Variants in HTRA3 observed in about 807,000 individuals in gnomAD.
HTRA3 encodes serine protease HTRA3.
HTRA3 carries 41 observed loss-of-function variants against 43.2 expected under a neutral mutation model. That is an observed-to-expected ratio of 0.95 (90% CI 0.74 to 1.23). The LOEUF is 1.23. Among genes scored for constraint, HTRA3 ranks in the 50% most tolerant of loss-of-function variants. The probability of loss-of-function intolerance (pLI) is 0.00; values close to 1 mark genes in which losing one functional copy is unlikely to be tolerated. For missense variants in HTRA3, 628 were observed against 647.1 expected, an observed-to-expected ratio of 0.97 and a Z score of 0.32; for synonymous variants, 295 against 287.9, an observed-to-expected ratio of 1.02 and a Z score of -0.25.
At chr4:8,291,153 T>A (rs575578425) in intron 3 of HTRA3, among the ~76,000 whole-genome samples, 3 of 152,334 alleles carry the variant, frequency 2.0e-5, no homozygotes, top group African/African-American at 4.8e-5. Flanking sequence ...CTGGCACAGC[T>A]GAGCCTCTGT....
At chr4:8,274,249 G>T (rs540370324) in intron 1 of HTRA3, among the ~76,000 whole-genome samples, 1 of 152,216 alleles carries the variant, frequency 6.6e-6, no homozygotes, top group Non-Finnish European at 1.5e-5. Flanking sequence ...CCACTGCCCG[G>T]CGTTTCCTTC....
At chr4:8,278,952 C>T (rs1712635489) in intron 1 of HTRA3, among the ~76,000 whole-genome samples, 1 of 152,164 alleles carries the variant, frequency 6.6e-6, no homozygotes, top group Non-Finnish European at 1.5e-5. Context: ...GAAGGGCCCC[C>T]TTGAACTTCT....
intron 5 of HTRA3, 109 bp from the exon 6 acceptor site, chr4:8,293,978 T>C: frequency 1.4e-6 from 1 of 692,986 alleles, no homozygotes; most frequent in Non-Finnish European, 2.5e-6. Context: ...TGTAGGGGGA[T>C]TGACAGCTGG....
At chr4:8,291,101 CATG>C (rs1203926925) in intron 3 of HTRA3, among the ~76,000 whole-genome samples, 1 of 152,214 alleles carries the variant, frequency 6.6e-6, no homozygotes, top group Admixed American at 6.5e-5. Context: ...CTCAGCTGCA[CATG>C]ATGAGCACCC....
At position 8,302,014 on chromosome 4, in the gene HTRA3, C is replaced by A. The variant is rs538506216; in HGVS notation, c.1052-449C>A. ...GCAGTGCCCCAGCCACAGGGCCTGG[C>A]ACATGGTTAGTACTCACTGGACATT... On this transcript the variant is annotated intron_variant, in intron 6 of 8. Transcript: ENST00000307358. Among the ~76,000 whole-genome samples the A allele has an allele frequency of 1.8e-4, 28 of 152,318 alleles. No homozygotes were observed. In the East Asian group the frequency reaches 5.2e-3, roughly 28 times the overall value.
chr4:8,289,098 C>T (rs1578798959), intron 3 of HTRA3, among the ~76,000 whole-genome samples: 3 of 152,004 alleles, frequency 2.0e-5, no homozygotes, highest in Middle Eastern at 3.4e-3. Flanking sequence ...TACAGGCATG[C>T]ACCACCATAC....
rs1713481520 is a variant in HTRA3, at chr4:8,297,051, C to G, written c.1051+2850C>G. On this transcript the variant is annotated intron_variant, in intron 6 of 8. Coordinates refer to ENST00000307358, the MANE Select transcript of HTRA3 (RefSeq NM_053044.5). The surrounding 1 kb of genome is among the most constrained non-coding windows in gnomAD (Gnocchi z 5.8). ...CCCCAGCCTCAGAGGTCACAGGGTC[C>G]CTTGGTCTCAGAAGCCAAAAGGTTC... 6.6e-6 allele frequency among the ~76,000 whole-genome samples: 1 copy of G among 152,004 alleles called. No homozygotes were observed. Among genetic ancestry groups the G allele is most frequent in the Admixed American group, 6.6e-5 (1 of 15,266 alleles).
At chr4:8,272,341 T>G (rs1463459580) in intron 1 of HTRA3, among the ~76,000 whole-genome samples, 1 of 151,866 alleles carries the variant, frequency 6.6e-6, no homozygotes, top group Non-Finnish European at 1.5e-5. Context: ...AGGAGGAAAA[T>G]AGTCTTATCC....
In HTRA3 at chr4:8,295,866, A is replaced by G. The variant is rs1713435378; in HGVS notation, c.1051+1665A>G. ...CCGCCATTGTTCTTCTGTGTCCATT[A>G]TGGGAAGACAATCTGGAGCCAGGCA... is the stretch of plus-strand genomic sequence containing the variant. On this transcript the variant is annotated intron_variant, in intron 6 of 8. Coordinates refer to ENST00000307358, the MANE Select transcript of HTRA3 (RefSeq NM_053044.5). The surrounding 1 kb of genome is among the most constrained non-coding windows in gnomAD (Gnocchi z 6.9). 10 of 1,234,194 alleles carry G rather than the reference A, an allele frequency of 8.1e-6. No homozygotes were observed. Among genetic ancestry groups the G allele is most frequent in the Non-Finnish European group, 1.0e-5 (10 of 988,092 alleles). 76.5% of individuals were successfully genotyped at this position (1,234,194 alleles called of 1,614,324 possible). A position where few individuals can be genotyped will look rare whatever the true frequency, so the allele number is the denominator to read the frequency against.
intron 6 of HTRA3, among the ~76,000 whole-genome samples, chr4:8,299,627 T>A (rs1416607237): frequency 6.6e-6 from 1 of 152,214 alleles, no homozygotes; most frequent in Non-Finnish European, 1.5e-5. Flanking sequence ...AGATATCCTT[T>A]CTCAGGTTGA....
At position 8,295,842 on chromosome 4, in the gene HTRA3, C is replaced by A; in HGVS notation, c.1051+1641C>A. On this transcript the variant is annotated intron_variant, in intron 6 of 8. Transcript: ENST00000307358. This position sits in a 1 kb window ranked among gnomAD's most constrained non-coding sequence, Gnocchi z 6.9. ...CATGAAGAGCTGCTGTTGAGGATGC[C>A]GCCATTGTTCTTCTGTGTCCATTAT... The A allele has an allele frequency of 8.1e-7, 1 of 1,238,004 alleles. No individual in the cohort carries two copies. Among genetic ancestry groups the A allele is most frequent in the East Asian group, 3.2e-5 (1 of 31,722 alleles). The allele number at this position is 1,238,004 out of a possible 1,614,324, so 76.7% of individuals were successfully genotyped here.
rs541747466 is a variant in HTRA3, at chr4:8,272,737, A to G, written c.385+2384A>G. On this transcript the variant is annotated intron_variant, in intron 1 of 8. Coordinates refer to ENST00000307358, the MANE Select transcript of HTRA3 (RefSeq NM_053044.5). ...GCCTGGGGAAGGATGGGGAGGACAG[A>G]GAGGGCATGGGCAAGGCAGAGACCT... Among the ~76,000 whole-genome samples the G allele has an allele frequency of 2.0e-5, 3 of 152,350 alleles. No individual in the cohort carries two copies. In the South Asian group the frequency reaches 6.2e-4, roughly 32 times the overall value.
At chr4:8,294,465 C>A (rs1713365667) in intron 6 of HTRA3, among the ~76,000 whole-genome samples, 1 of 151,820 alleles carries the variant, frequency 6.6e-6, no homozygotes, top group Non-Finnish European at 1.5e-5. Flanking sequence ...CTCCTTTTGG[C>A]TGGGGAATCT....
rs771151712 is a variant in HTRA3, at chr4:8,291,528, C to T, written c.867C>T (p.Ser289=). 1.1e-5 allele frequency: 17 copies of T among 1,609,652 alleles called. No individual in the cohort carries two copies. The highest frequency in any genetic ancestry group is 6.7e-5 in the East Asian group (3 of 44,786). The change falls in exon 4 of 9, where the codon TCC becomes TCT. Residue 289 remains serine, a synonymous_variant. Coordinates refer to ENST00000307358, the MANE Select transcript of HTRA3 (RefSeq NM_053044.5). ...GCAGGGAGCTGGGCCTCCGGGACTCCGACATGGACTACATCCAGACGGATG... is the reference window on the plus strand; with the variant it reads ...GCAGGGAGCTGGGCCTCCGGGACTCTGACATGGACTACATCCAGACGGATG... ...REGRELGLRD[S]DMDYIQTDAI...
chr4:8,271,671 G>T (rs1341990353), intron 1 of HTRA3, among the ~76,000 whole-genome samples: 1 of 152,198 alleles, frequency 6.6e-6, no homozygotes, highest in African/African-American at 2.4e-5. Context: ...TCTGGTGAGG[G>T]CTGCACTCTG....
chr4:8,276,875 C>T (rs1040347845), intron 1 of HTRA3, among the ~76,000 whole-genome samples: 4 of 152,260 alleles, frequency 2.6e-5, no homozygotes, highest in African/African-American at 9.6e-5. Context: ...GGGCAGGTCC[C>T]GTGGCCTCTC....
At chr4:8,278,920 G>A (rs1712633822) in intron 1 of HTRA3, among the ~76,000 whole-genome samples, 1 of 152,308 alleles carries the variant, frequency 6.6e-6, no homozygotes, top group African/African-American at 2.4e-5. Flanking sequence ...GACCTACTGT[G>A]TGCTGGCTCA....
At chr4:8,283,525 C>T (rs780635881) in intron 2 of HTRA3, among the ~76,000 whole-genome samples, 84 of 152,362 alleles carry the variant, frequency 5.5e-4, no homozygotes, top group African/African-American at 1.9e-3. Context: ...CCCAGATTGA[C>T]TTATATCCCG....
Position 8,271,782 on chromosome 4 carries a change from C to T in HTRA3, c.385+1429C>T, listed in dbSNP as rs545064644. Among the ~76,000 whole-genome samples, 15 of 152,296 alleles carry T rather than the reference C, an allele frequency of 9.8e-5. No individual in the cohort carries two copies. The South Asian group carries it at 1.9e-3, about 19-fold the overall frequency. ...CTCATAAGGAGCTTCTGCCCACGCT[C>T]GAAAGGAGGAACCCTTGTGACCTCA... On this transcript the variant is annotated intron_variant, in intron 1 of 8. Coordinates refer to ENST00000307358, the MANE Select transcript of HTRA3 (RefSeq NM_053044.5).
Sources: allele counts gnomAD v4.1 joint callset (sites outside exome capture counted in the v4.1 genomes callset), GRCh38; gene constraint gnomAD v4.1.1; non-coding constraint Gnocchi (gnomAD v3.1); transcripts MANE v1.5; gene names NCBI Gene and HGNC (gene_info 2026-07-23, HGNC 2026-07-21).